Variants in HHAT observed in about 807,000 individuals in gnomAD.
HHAT encodes hedgehog acyltransferase.
HHAT carries 47 observed loss-of-function variants against 70.8 expected under a neutral mutation model. The ratio of observed to expected loss-of-function variants is 0.66; its 90% CI spans 0.53 to 0.85. HHAT has a LOEUF of 0.85. HHAT is among the 40% of genes least tolerant of loss of function. HHAT has a pLI of 0.00. For synonymous variants in HHAT, 228 were observed against 247.6 expected (o/e 0.92, Z 0.74); for missense variants, 609 against 604.8 (o/e 1.01, Z -0.07).
intron 1 of HHAT, among the ~76,000 whole-genome samples, chr1:210,347,683 C>T (rs1485732362): frequency 1.3e-5 from 2 of 152,158 alleles, no homozygotes; most frequent in Non-Finnish European, 2.9e-5. Context: ...GAGGCTTAAA[C>T]AACCTAGAAA....
At chr1:210,619,628 G>C (rs750680456) in intron 10 of HHAT, among the ~76,000 whole-genome samples, 2 of 152,084 alleles carry the variant, frequency 1.3e-5, no homozygotes, top group Admixed American at 1.3e-4. Context: ...GGACGGCTCC[G>C]TCCTGCACAT....
chr1:210,431,267 T>C (rs1366804385), intron 7 of HHAT, among the ~76,000 whole-genome samples: 1 of 151,822 alleles, frequency 6.6e-6, no homozygotes, highest in Non-Finnish European at 1.5e-5. Context: ...GCTGTCACTC[T>C]AACCTCCTAT....
chr1:210,467,159 C>G (rs542511014), intron 8 of HHAT, among the ~76,000 whole-genome samples: 1 of 152,218 alleles, frequency 6.6e-6, no homozygotes, highest in African/African-American at 2.4e-5. Context: ...TTCCAGGCTA[C>G]TAATTATACT....
In HHAT at chr1:210,674,607, G is replaced by A. The variant is rs1680843741; in HGVS notation, c.*228G>A. ...CCCCAACTCATCATTTTCCTATTGAGGAAACGGGTCCAGGGCAGTCGTGTG... is the reference window on the plus strand; with the variant it reads ...CCCCAACTCATCATTTTCCTATTGAAGAAACGGGTCCAGGGCAGTCGTGTG... On this transcript the variant is annotated 3_prime_UTR_variant, in exon 12 of 12. Coordinates refer to ENST00000261458, the MANE Select transcript of HHAT (RefSeq NM_018194.6). The A allele has an allele frequency of 9.6e-6, 5 of 520,416 alleles. No individual in the cohort carries two copies. Among genetic ancestry groups the A allele is most frequent in the Non-Finnish European group, 1.7e-5 (5 of 292,194 alleles). 32.2% of individuals were successfully genotyped at this position (520,416 alleles called of 1,614,324 possible).
In HHAT at chr1:210,602,462, C is replaced by T. The variant is rs192609638; in HGVS notation, c.1245+14363C>T. Among the ~76,000 whole-genome samples, 7 of 152,202 alleles carry T rather than the reference C, an allele frequency of 4.6e-5. No individual in the cohort carries two copies. In the South Asian group the frequency reaches 1.2e-3, roughly 27 times the overall value. On this transcript the variant is annotated intron_variant, in intron 10 of 11. Transcript: ENST00000261458. The stretch of plus-strand genomic sequence containing the variant: ...AGGAGGGAGAAGAAGACTAGCATTG[C>T]AGGCTGGGAGAACAGTGCGTGCGCT...
At chr1:210,600,288 T>C (rs934686456) in intron 10 of HHAT, among the ~76,000 whole-genome samples, 1 of 152,184 alleles carries the variant, frequency 6.6e-6, no homozygotes, top group African/African-American at 2.4e-5. Context: ...AAAGAAAGAA[T>C]GAATGATATT....
At chr1:210,530,509 A>G (rs754779257) in intron 9 of HHAT, among the ~76,000 whole-genome samples, 1 of 152,196 alleles carries the variant, frequency 6.6e-6, no homozygotes, top group Non-Finnish European at 1.5e-5. Flanking sequence ...GGGTGACAGT[A>G]CCGGCAGGGA....
intron 7 of HHAT, among the ~76,000 whole-genome samples, chr1:210,459,026 G>T (rs2093925999): frequency 6.6e-6 from 1 of 152,166 alleles, no homozygotes; most frequent in Non-Finnish European, 1.5e-5. Context: ...GCCATTTATA[G>T]TTTTCAGGGG....
chr1:210,630,100 C>G (rs1285591542), intron 11 of HHAT, among the ~76,000 whole-genome samples: 2 of 152,164 alleles, frequency 1.3e-5, no homozygotes, highest in Non-Finnish European at 2.9e-5. Flanking sequence ...CTCAGCCTCC[C>G]AAAGTGCTAG....
intron 9 of HHAT, among the ~76,000 whole-genome samples, chr1:210,585,223 A>G (rs1256744130): frequency 6.6e-6 from 1 of 152,168 alleles, no homozygotes; most frequent in Non-Finnish European, 1.5e-5. Context: ...TAATTTCTCA[A>G]CCTCAGTTTC....
intron 11 of HHAT, among the ~76,000 whole-genome samples, chr1:210,626,676 AACT>A (rs1367640964): frequency 1.3e-5 from 2 of 152,104 alleles, no homozygotes; most frequent in African/African-American, 4.8e-5. Flanking sequence ...CATCCTGGAG[AACT>A]CTGGATTTCA....
At chr1:210,612,758 C>T (rs1256413624) in intron 10 of HHAT, among the ~76,000 whole-genome samples, 1 of 152,188 alleles carries the variant, frequency 6.6e-6, no homozygotes, top group African/African-American at 2.4e-5. Flanking sequence ...TTTACATTCT[C>T]ACCAGCAATA....
intron 6 of HHAT, among the ~76,000 whole-genome samples, chr1:210,407,139 G>C (rs555389572): frequency 1.4e-4 from 22 of 152,284 alleles, no homozygotes; most frequent in African/African-American, 5.3e-4. Context: ...GGGCTTTAAA[G>C]GGGCAGGGGG....
chr1:210,560,491 T>A (rs1479003296), intron 9 of HHAT, among the ~76,000 whole-genome samples: 1 of 151,942 alleles, frequency 6.6e-6, no homozygotes, highest in Non-Finnish European at 1.5e-5. Context: ...AAGAACCTTG[T>A]AAAGGGATGA....
chr1:210,426,814 C>T (rs11119492), intron 7 of HHAT, among the ~76,000 whole-genome samples: 66,643 of 151,848 alleles, frequency 0.44, 14,768 homozygotes, highest in Admixed American at 0.53. Context: ...TTTGTTGTGT[C>T]TCTGCCAGGT....
intron 8 of HHAT, among the ~76,000 whole-genome samples, chr1:210,495,462 T>A (rs1347141106): frequency 6.6e-6 from 1 of 152,124 alleles, no homozygotes; most frequent in Admixed American, 6.6e-5. Context: ...TTTTGACTCA[T>A]CGGGAAAGTA....
intron 11 of HHAT, among the ~76,000 whole-genome samples, chr1:210,657,304 G>A (rs781494787): frequency 6.6e-6 from 1 of 152,216 alleles, no homozygotes; most frequent in African/African-American, 2.4e-5. Flanking sequence ...GCTGCTGGAA[G>A]ATTATGCACA....
At chr1:210,452,282 A>G (rs975504190) in intron 7 of HHAT, among the ~76,000 whole-genome samples, 3 of 152,194 alleles carry the variant, frequency 2.0e-5, no homozygotes, top group Non-Finnish European at 4.4e-5. Context: ...TTGTGCTGAG[A>G]TAAGCCCATT....
At position 210,455,513 on chromosome 1, in the gene HHAT, A is replaced by G. The variant is rs553625757; in HGVS notation, c.857-8992A>G. ...AACAACTCCCTGGTCAGCTTCACAC[A>G]GGCTCTGTTCCACGTCTGGCCTCAG... is the stretch of plus-strand genomic sequence containing the variant. On this transcript the variant is annotated intron_variant, in intron 7 of 11. Transcript: ENST00000261458. Among the ~76,000 whole-genome samples the G allele has an allele frequency of 3.1e-4, 47 of 151,970 alleles. No homozygotes were observed. In the East Asian group the frequency reaches 4.8e-3, roughly 16 times the overall value.
Sources: gnomAD v4.1 joint callset for allele counts (sites outside exome capture counted in the v4.1 genomes callset) on GRCh38, gnomAD v4.1.1 for gene constraint, MANE v1.5 for transcripts, NCBI Gene and HGNC (gene_info 2026-07-23, HGNC 2026-07-21) for gene names.